The following MAP2 variants were observed in gnomAD, a reference collection of about 807,000 sequenced individuals.
The protein encoded by MAP2 is microtubule-associated protein 2.
A neutral mutation model predicts 137.6 loss-of-function variants in MAP2; 14 were observed. The observed-to-expected ratio is 0.10, with a 90% CI of 0.07 to 0.16. The LOEUF (loss-of-function observed/expected upper bound fraction) is 0.16, where lower values mean the gene tolerates loss of function less well. Ranked by LOEUF, MAP2 falls within the 10% of genes least tolerant of loss-of-function variation. MAP2 has a pLI of 1.00. For synonymous variants in MAP2, 786 were observed against 782.3 expected (o/e 1.00, Z -0.08); for missense variants, 2,088 against 2,191.5 (o/e 0.95, Z 0.94).
chr2:209,704,745 C>G (rs1165541154), intron 11 of MAP2: 12 of 776,226 alleles, frequency 1.5e-5, no homozygotes, highest in Non-Finnish European at 1.9e-6. Context: ...GACACATAAA[C>G]AGTAGGCCCT....
At chr2:209,534,268 G>A (rs182643540) in intron 2 of MAP2, among the ~76,000 whole-genome samples, 9 of 152,264 alleles carry the variant, frequency 5.9e-5, no homozygotes, top group Non-Finnish European at 2.9e-5. Flanking sequence ...GGTTACTGTT[G>A]GGATATCCAT....
chr2:209,461,113 A>G (rs914860803), intron 1 of MAP2, among the ~76,000 whole-genome samples: 2 of 152,202 alleles, frequency 1.3e-5, no homozygotes, highest in Non-Finnish European at 2.9e-5. Flanking sequence ...CAAACAACCC[A>G]TTAAATACTC....
chr2:209,725,704 C>A lies in MAP2; in HGVS notation c.5074-5C>A. On this transcript the variant is annotated splice_region_variant and splice_polypyrimidine_tract_variant and intron_variant, in intron 13 of 15. Transcript: ENST00000682079. The stretch of plus-strand genomic sequence containing the variant: ...TTTTAAGCATGTTTTATGTGGTTCA[C>A]ATAGGTACAAATTGTTACCAAGAAA... 6.3e-7 allele frequency: 1 copy of A among 1,586,214 alleles called. No homozygotes were observed. The highest frequency in any genetic ancestry group is 1.4e-5 in the African/African-American group (1 of 73,788).
intron 1 of MAP2, among the ~76,000 whole-genome samples, chr2:209,429,715 T>C (rs1472714586): frequency 6.6e-6 from 1 of 152,150 alleles, no homozygotes; most frequent in African/African-American, 2.4e-5. Flanking sequence ...CTGACTCTAT[T>C]TGAGACAAAA....
Position 209,434,598 on chromosome 2 carries a change from G to A in MAP2, c.-222+10322G>A, listed in dbSNP as rs1695194991. 3.3e-5 allele frequency among the ~76,000 whole-genome samples: 5 copies of A among 151,480 alleles called. No homozygotes were observed. The South Asian group carries it at 6.2e-4, about 19-fold the overall frequency. On this transcript the variant is annotated intron_variant, in intron 1 of 15. Transcript: ENST00000682079. ...CTCATGCCTATAATCCTAGCATTTT[G>A]GGAGTCTGAGGCAAGAGTTCAAGAC...
At chr2:209,643,333 A>G (rs976180053) in intron 4 of MAP2, among the ~76,000 whole-genome samples, 1 of 152,214 alleles carries the variant, frequency 6.6e-6, no homozygotes, top group African/African-American at 2.4e-5. Flanking sequence ...ATTGTAATCC[A>G]AAGAAAACCA....
chr2:209,679,861 A>G (rs540506359), intron 6 of MAP2, among the ~76,000 whole-genome samples: 1 of 152,236 alleles, frequency 6.6e-6, no homozygotes, highest in East Asian at 1.9e-4. Flanking sequence ...GCAGAAGCCC[A>G]TAGGGTAAGG....
intron 13 of MAP2, among the ~76,000 whole-genome samples, chr2:209,713,840 T>C (rs937160415): frequency 2.0e-5 from 3 of 152,212 alleles, no homozygotes; most frequent in East Asian, 1.9e-4. Flanking sequence ...AATGCTCCTA[T>C]ATGTTTTGAC....
intron 8 of MAP2, 45 bp from the exon 9 acceptor site, chr2:209,696,497 G>A (rs773699780): frequency 3.1e-5 from 48 of 1,533,022 alleles, no homozygotes; most frequent in Non-Finnish European, 1.8e-5. Flanking sequence ...TGTTACTAAT[G>A]TTTTCACTGT....
At chr2:209,450,692 T>G (rs1329631579) in intron 1 of MAP2, among the ~76,000 whole-genome samples, 1 of 152,186 alleles carries the variant, frequency 6.6e-6, no homozygotes, top group Non-Finnish European at 1.5e-5. Flanking sequence ...AAGAGTATCT[T>G]GTAAAAAGTT....
intron 1 of MAP2, among the ~76,000 whole-genome samples, chr2:209,467,831 T>C (rs763168702): frequency 4.6e-5 from 7 of 152,230 alleles, no homozygotes; most frequent in Non-Finnish European, 1.0e-4. Flanking sequence ...TGCCTCAGTT[T>C]CTGCATTTTT....
At chr2:209,565,885 C>T (rs1193428418) in intron 2 of MAP2, among the ~76,000 whole-genome samples, 2 of 152,260 alleles carry the variant, frequency 1.3e-5, no homozygotes, top group East Asian at 3.9e-4. Context: ...AAAATGCTAC[C>T]TTTGGATTTC....
intron 2 of MAP2, among the ~76,000 whole-genome samples, chr2:209,530,559 ATTATT>A (rs1267033401): frequency 6.6e-6 from 1 of 152,192 alleles, no homozygotes. Context: ...TCTCTTGCAG[ATTATT>A]TAATTTGAGA....
intron 1 of MAP2, among the ~76,000 whole-genome samples, chr2:209,502,999 C>CTTTTTTTTTT (rs71043931): frequency 1.5e-5 from 2 of 131,334 alleles, no homozygotes; most frequent in Non-Finnish European, 3.2e-5. Context: ...GATTTTTTTT[C>CTTTTTTTTTT]TTTTTTTTTT....
At chr2:209,534,572 G>A (rs780932094) in intron 2 of MAP2, among the ~76,000 whole-genome samples, 22 of 152,146 alleles carry the variant, frequency 1.4e-4, no homozygotes, top group Non-Finnish European at 2.5e-4. Flanking sequence ...TGTAAACCTG[G>A]TCTATAAATA....
Position 209,455,431 on chromosome 2 carries a change from G to C in MAP2, c.-222+31155G>C, listed in dbSNP as rs187232094. On this transcript the variant is annotated intron_variant, in intron 1 of 15. Transcript: ENST00000682079. Reference sequence around the variant, plus strand: ...TAGTTTTATCTCTGAAATTGCTCCAGCTCTGTGCTGTTATTGTCAAAGCTG... The same window carrying C: ...TAGTTTTATCTCTGAAATTGCTCCACCTCTGTGCTGTTATTGTCAAAGCTG... 3.4e-4 allele frequency among the ~76,000 whole-genome samples: 52 copies of C among 152,268 alleles called. No homozygotes were observed. The East Asian group carries it at 9.5e-3, about 28-fold the overall frequency.
intron 2 of MAP2, among the ~76,000 whole-genome samples, chr2:209,515,229 TTC>T (rs892211565): frequency 6.6e-6 from 1 of 152,064 alleles, no homozygotes; most frequent in Non-Finnish European, 1.5e-5. Context: ...TCTATCTTCT[TTC>T]TCTCTCTCAT....
intron 5 of MAP2, among the ~76,000 whole-genome samples, chr2:209,672,903 A>T (rs1449431556): frequency 6.6e-6 from 1 of 151,832 alleles, no homozygotes; most frequent in Non-Finnish European, 1.5e-5. Context: ...GGATGACAGC[A>T]TTTCTCAATT....
intron 4 of MAP2, among the ~76,000 whole-genome samples, chr2:209,633,033 G>A (rs991601161): frequency 6.6e-6 from 1 of 152,078 alleles, no homozygotes; most frequent in Non-Finnish European, 1.5e-5. Flanking sequence ...TTTAGAACAC[G>A]TCAAAGCAGC....
Sources: allele counts gnomAD v4.1 joint callset (sites outside exome capture counted in the v4.1 genomes callset), GRCh38; gene constraint gnomAD v4.1.1; transcripts MANE v1.5; gene names NCBI Gene and HGNC (gene_info 2026-07-23, HGNC 2026-07-21).